The following EPB41L4B variants were observed in gnomAD, a reference collection of about 807,000 sequenced individuals.
EPB41L4B encodes band 4.1-like protein 4B.
Under a neutral mutation model 112.5 loss-of-function variants are expected in EPB41L4B, and 30 were observed. The observed-to-expected ratio is 0.27, with a 90% confidence interval of 0.20 to 0.36. The LOEUF (loss-of-function observed/expected upper bound fraction) is 0.36, where lower values mean the gene tolerates loss of function less well. EPB41L4B is among the 10% of genes least tolerant of loss of function. The probability of loss-of-function intolerance (pLI) is 1.00; values close to 1 mark genes in which losing one functional copy is unlikely to be tolerated. For missense variants in EPB41L4B, 1,024 were observed against 1,133.3 expected (o/e 0.90, Z 1.38); for synonymous variants, 408 against 439.7 (o/e 0.93, Z 0.90).
chr9:109,309,190 T>TAC (rs1471537655), intron 1 of EPB41L4B, among the ~76,000 whole-genome samples: 1 of 152,150 alleles, frequency 6.6e-6, no homozygotes, highest in Non-Finnish European at 1.5e-5. Flanking sequence ...TGAAGATGAC[T>TAC]ACTTAGGGTC....
At chr9:109,241,401 CTT>C in intron 15 of EPB41L4B, 1 of 1,215,514 alleles carries the variant, frequency 8.2e-7, no homozygotes, top group Non-Finnish European at 1.0e-6. Context: ...TAAACATAGA[CTT>C]TGACTCCAAT....
At chr9:109,245,140 T>C (rs1467675659) in intron 14 of EPB41L4B, among the ~76,000 whole-genome samples, 1 of 152,184 alleles carries the variant, frequency 6.6e-6, no homozygotes, top group Non-Finnish European at 1.5e-5. Flanking sequence ...TCTGCATATT[T>C]CTCCTTTAGG....
At position 109,268,754 on chromosome 9, in the gene EPB41L4B, G is replaced by A. The variant is rs143950815; in HGVS notation, c.412-321C>T. On this transcript the variant is annotated intron_variant, in intron 2 of 25. Transcript: ENST00000374566. ...TCTACTAAAAATACAAAAATTAGCCGGGCATGGTGGCGCGCGCCTGTAGTC... is the reference window on the plus strand; with the variant it reads ...TCTACTAAAAATACAAAAATTAGCCAGGCATGGTGGCGCGCGCCTGTAGTC... Among the ~76,000 whole-genome samples the A allele has an allele frequency of 2.9e-3, 435 of 152,018 alleles. 3 individuals carry two copies. The highest frequency in any genetic ancestry group is 9.6e-3 in the African/African-American group (400 of 41,456).
At chr9:109,269,478 T>A (rs900926476) in intron 2 of EPB41L4B, among the ~76,000 whole-genome samples, 1 of 152,240 alleles carries the variant, frequency 6.6e-6, no homozygotes, top group African/African-American at 2.4e-5. Context: ...AGGAGCATTC[T>A]ACTGAGCCCT....
At position 109,274,808 on chromosome 9, in the gene EPB41L4B, T is replaced by C. The variant is rs564744050; in HGVS notation, c.411+5009A>G. ...GTCTCTGAGCCTCAGCTTCATCATC[T>C]GTAAAATGGTTCTGTTTTATGGCCT... is the stretch of plus-strand genomic sequence containing the variant. On this transcript the variant is annotated intron_variant, in intron 2 of 25. Transcript: ENST00000374566. Among the ~76,000 whole-genome samples, 4 of 152,350 alleles carry C rather than the reference T, an allele frequency of 2.6e-5. No individual in the cohort carries two copies. In the East Asian group the frequency reaches 7.7e-4, roughly 29 times the overall value.
chr9:109,234,515 G>GT, intron 15 of EPB41L4B, among the ~76,000 whole-genome samples: 1 of 152,196 alleles, frequency 6.6e-6, no homozygotes, highest in Admixed American at 6.5e-5. Flanking sequence ...GAAAGGAAAA[G>GT]TAACTTTTGG....
intron 1 of EPB41L4B, among the ~76,000 whole-genome samples, chr9:109,293,118 C>A (rs1836593881): frequency 6.6e-6 from 1 of 152,184 alleles, no homozygotes; most frequent in Non-Finnish European, 1.5e-5. Context: ...ACCAACAGAA[C>A]CCATCATGAC....
At chr9:109,214,742 T>C (rs1833302279) in intron 16 of EPB41L4B, among the ~76,000 whole-genome samples, 1 of 151,764 alleles carries the variant, frequency 6.6e-6, no homozygotes, top group Non-Finnish European at 1.5e-5. Context: ...GAGGGAAGAA[T>C]GAAGACCTTG....
chr9:109,217,202 G>T, intron 15 of EPB41L4B, 57 bp from the exon 16 acceptor site: 1 of 1,532,000 alleles, frequency 6.5e-7, no homozygotes, highest in East Asian at 2.3e-5. Flanking sequence ...CAAGCCCTCT[G>T]TGTACTTTCA....
rs115459818 is a variant in EPB41L4B, at chr9:109,278,521, C to G, written c.411+1296G>C. On this transcript the variant is annotated intron_variant, in intron 2 of 25. Coordinates refer to ENST00000374566, the MANE Select transcript of EPB41L4B (RefSeq NM_019114.5). The stretch of plus-strand genomic sequence containing the variant: ...TCACCTTACAAATGTCACATGTCAC[C>G]TGACAACTTCCAGATACAATCAGGA... 7.0e-3 allele frequency among the ~76,000 whole-genome samples: 1,061 copies of G among 152,286 alleles called. 12 individuals carry two copies. The highest frequency in any genetic ancestry group is 0.024 in the African/African-American group (1,008 of 41,558).
chr9:109,276,152 TATACACACACACACAC>T (rs1304502778), intron 2 of EPB41L4B, among the ~76,000 whole-genome samples: 3 of 119,728 alleles, frequency 2.5e-5, no homozygotes, highest in African/African-American at 1.0e-4. Context: ...TACGTGTGTG[TATACACACACACACAC>T]ACACACACAC....
intron 24 of EPB41L4B, among the ~76,000 whole-genome samples, chr9:109,180,493 C>A (rs1399573318): frequency 1.3e-5 from 2 of 152,210 alleles, no homozygotes; most frequent in African/African-American, 4.8e-5. Flanking sequence ...AGCCCCATGT[C>A]TCTGCCCTCT....
chr9:109,298,167 C>G (rs958837853), intron 1 of EPB41L4B, among the ~76,000 whole-genome samples: 1 of 152,090 alleles, frequency 6.6e-6, no homozygotes, highest in Non-Finnish European at 1.5e-5. Flanking sequence ...TGGATTTATA[C>G]AGATTATCAA....
rs1835965227 is a variant in EPB41L4B, at chr9:109,279,764, A to G, written c.411+53T>C. ...CCATTTCTAGCAACTGTGGACGTGC[A>G]ATTAGCAATGAAAAGCCAATCTGTT... On this transcript the variant is annotated intron_variant, in intron 2 of 25. Transcript: ENST00000374566. 50 of 1,437,644 alleles carry G rather than the reference A, an allele frequency of 3.5e-5. No individual in the cohort carries two copies. The South Asian group carries it at 5.8e-4, about 17-fold the overall frequency. The allele number at this position is 1,437,644 out of a possible 1,614,324, so 89.1% of individuals were successfully genotyped here.
intron 2 of EPB41L4B, among the ~76,000 whole-genome samples, chr9:109,270,181 C>G (rs1835559716): frequency 6.6e-6 from 1 of 151,874 alleles, no homozygotes. Context: ...CTATTTAAAA[C>G]TGATGTAGGC....
At chr9:109,276,190 CACACACACACACA>C (rs1483024129) in intron 2 of EPB41L4B, among the ~76,000 whole-genome samples, 1 of 85,884 alleles carries the variant, frequency 1.2e-5, no homozygotes, top group Non-Finnish European at 2.5e-5. Flanking sequence ...CACACACACA[CACACACACACACA>C]AATAACAAAC....
intron 14 of EPB41L4B, 30 bp from the exon 15 acceptor site, chr9:109,243,712 T>G: frequency 6.2e-7 from 1 of 1,606,836 alleles, no homozygotes; most frequent in African/African-American, 1.3e-5. Flanking sequence ...CTTGATTATT[T>G]GATGACCTTT....
chr9:109,221,742 T>C (rs950364175), intron 15 of EPB41L4B, among the ~76,000 whole-genome samples: 5 of 152,150 alleles, frequency 3.3e-5, no homozygotes, highest in Non-Finnish European at 5.9e-5. Context: ...GACCATCACG[T>C]GGGTAACAAA....
At chr9:109,196,350 A>G (rs1188343780) in intron 20 of EPB41L4B, 1 of 152,178 alleles carries the variant, frequency 6.6e-6, no homozygotes, top group African/African-American at 2.4e-5. Context: ...GTTTAAATAA[A>G]CAGTGAAGTT....
Sources: allele counts gnomAD v4.1 joint callset (sites outside exome capture counted in the v4.1 genomes callset), GRCh38; gene constraint gnomAD v4.1.1; transcripts MANE v1.5; gene names NCBI Gene and HGNC (gene_info 2026-07-23, HGNC 2026-07-21).